Variants in DHTKD1 observed in about 807,000 individuals in gnomAD.
The protein encoded by DHTKD1 is 2-oxoadipate dehydrogenase complex component E1.
Under a neutral mutation model 101.8 loss-of-function variants are expected in DHTKD1, and 78 were observed. The ratio of observed to expected loss-of-function variants is 0.77; its 90% CI spans 0.64 to 0.93. DHTKD1 has a LOEUF of 0.93. DHTKD1 is among the 40% of genes least tolerant of loss of function. The pLI is 0.00. For missense variants in DHTKD1, 1,223 were observed against 1,161.7 expected (o/e 1.05, Z -0.77); for synonymous variants, 462 against 450.3 (o/e 1.03, Z -0.33).
chr10:12,119,608 T>C (rs1588621326), intron 15 of DHTKD1, among the ~76,000 whole-genome samples: 1 of 109,604 alleles, frequency 9.1e-6, no homozygotes. Context: ...AGAGCGAGAC[T>C]CCGTCTCAAA....
Position 12,106,182 on chromosome 10 carries a change from G to C in DHTKD1, c.1897-64G>C, listed in dbSNP as rs368157130. On this transcript the variant is annotated intron_variant, in intron 10 of 16. Coordinates refer to ENST00000263035, the MANE Select transcript of DHTKD1 (RefSeq NM_018706.7). ...CGCACCACCTCCCTTCGATAAGTTC[G>C]CAGGAGCCCAGTGCTCTGCCGTGGC... 21 of 1,571,198 alleles carry C rather than the reference G, an allele frequency of 1.3e-5. No homozygotes were observed. The African/African-American group carries it at 2.2e-4, about 16-fold the overall frequency.
intron 1 of DHTKD1, 67 bp downstream of exon 1, chr10:12,069,254 C>G: frequency 1.4e-5 from 13 of 938,090 alleles, no homozygotes; most frequent in Admixed American, 5.1e-5. Flanking sequence ...GGCCGATTTG[C>G]GGTGGGGTGT....
At chr10:12,082,948 AAC>A (rs1382503544) in intron 2 of DHTKD1, among the ~76,000 whole-genome samples, 2 of 152,096 alleles carry the variant, frequency 1.3e-5, no homozygotes, top group Non-Finnish European at 2.9e-5. Flanking sequence ...CATCCTGGCT[AAC>A]ACAGTGAAAC....
chr10:12,101,301 A>C (rs1175415908), intron 10 of DHTKD1, 120 bp downstream of exon 10: 1 of 1,108,558 alleles, frequency 9.0e-7, no homozygotes, highest in African/African-American at 1.6e-5. Flanking sequence ...GAAGTAAAGG[A>C]GTGCTAAATG....
At chr10:12,073,038 T>C (rs1422830534) in intron 1 of DHTKD1, among the ~76,000 whole-genome samples, 1 of 106,836 alleles carries the variant, frequency 9.4e-6, no homozygotes, top group Non-Finnish European at 2.0e-5. Context: ...GCCTGACCTG[T>C]TTATTTGTTT....
chr10:12,122,695 C>A lies in DHTKD1; in HGVS notation c.*1807C>A, dbSNP rs1015678939. The A allele has an allele frequency of 6.6e-6, 1 of 152,228 alleles. No homozygotes were observed. Among genetic ancestry groups the A allele is most frequent in the South Asian group, 2.1e-4 (1 of 4,820 alleles). 9.4% of individuals were successfully genotyped at this position (152,228 alleles called of 1,614,324 possible). A position where few individuals can be genotyped will look rare whatever the true frequency, so the allele number is the denominator to read the frequency against. ...TTCTTTATTTGAGGGACTTTCCCAA[C>A]ACCAGGTGCTTGGGGATTTCTTAGA... is the stretch of plus-strand genomic sequence containing the variant. On this transcript the variant is annotated 3_prime_UTR_variant, in exon 17 of 17. Coordinates refer to ENST00000263035, the MANE Select transcript of DHTKD1 (RefSeq NM_018706.7).
At chr10:12,102,294 T>C (rs12357525) in intron 10 of DHTKD1, among the ~76,000 whole-genome samples, 112,097 of 151,520 alleles carry the variant, frequency 0.74, 42,094 homozygotes, top group South Asian at 0.88. Context: ...TGTGGTGGCA[T>C]GCATCTGTAG....
Position 12,118,796 on chromosome 10 carries a change from T to C in DHTKD1, c.2450T>C (p.Val817Ala). 2 of 1,606,704 alleles carry C rather than the reference T, an allele frequency of 1.2e-6. No homozygotes were observed. Among genetic ancestry groups the C allele is most frequent in the Non-Finnish European group, 8.5e-7 (1 of 1,177,136 alleles). The change falls in exon 15 of 17, where the codon GTG becomes GCG. Residue 817 changes from valine (V) to alanine (A), a missense_variant. Transcript: ENST00000263035. Reference protein sequence around the residue: ...FCSGKHFYSLVKQRESLGAKK... With the variant: ...FCSGKHFYSLAKQRESLGAKK... ...TCCGGCAAACATTTCTACTCCCTGG[T>C]GAAACAAAGAGAATCTCTGGGGGCC...
intron 7 of DHTKD1, 114 bp from the exon 8 acceptor site, chr10:12,097,570 G>T (rs190773864): frequency 6.5e-5 from 60 of 917,878 alleles, no homozygotes; most frequent in Non-Finnish European, 8.9e-5. Flanking sequence ...CACTGCACCT[G>T]TCGAATGCCT....
At chr10:12,081,085 G>C (rs1167769889) in intron 1 of DHTKD1, among the ~76,000 whole-genome samples, 9 of 151,860 alleles carry the variant, frequency 5.9e-5, no homozygotes, top group Non-Finnish European at 1.2e-4. Flanking sequence ...CAGATCATGA[G>C]GTCAGGAGAT....
chr10:12,079,812 C>G (rs553528976), intron 1 of DHTKD1, among the ~76,000 whole-genome samples: 1 of 152,130 alleles, frequency 6.6e-6, no homozygotes, highest in Non-Finnish European at 1.5e-5. Flanking sequence ...CAAAATAGAA[C>G]CCTTAGCAAT....
At chr10:12,079,949 C>T (rs1832788888) in intron 1 of DHTKD1, among the ~76,000 whole-genome samples, 1 of 152,134 alleles carries the variant, frequency 6.6e-6, no homozygotes, top group African/African-American at 2.4e-5. Flanking sequence ...TGTTCAATAC[C>T]TCTCTGTTCT....
chr10:12,115,139 G>C (rs1268759892), intron 13 of DHTKD1, among the ~76,000 whole-genome samples: 2 of 151,176 alleles, frequency 1.3e-5, no homozygotes, highest in Non-Finnish European at 2.9e-5. Flanking sequence ...TGTTGCCCAG[G>C]CTGGAGTGGA....
At position 12,100,165 on chromosome 10, in the gene DHTKD1, C is replaced by G; in HGVS notation, c.1672-13C>G. On this transcript the variant is annotated splice_polypyrimidine_tract_variant and intron_variant, in intron 8 of 16. Coordinates refer to ENST00000263035, the MANE Select transcript of DHTKD1 (RefSeq NM_018706.7). ...TTAGACGTTCCTTTTTTTTCTTCCT[C>G]TGAATTTTACAGTCCAGAATGGAGA... The G allele has an allele frequency of 1.3e-6, 2 of 1,512,536 alleles. No individual in the cohort carries two copies. The highest frequency in any genetic ancestry group is 1.2e-5 in the South Asian group (1 of 80,850). The allele number at this position is 1,512,536 out of a possible 1,614,324, so 93.7% of individuals were successfully genotyped here. A position where few individuals can be genotyped will look rare whatever the true frequency, so the allele number is the denominator to read the frequency against.
Position 12,084,624 on chromosome 10 carries a change from T to C in DHTKD1, c.395T>C (p.Ile132Thr), listed in dbSNP as rs1453624569. The C allele has an allele frequency of 7.4e-6, 12 of 1,613,950 alleles. No individual in the cohort carries two copies. The East Asian group carries it at 2.0e-4, about 27-fold the overall frequency. ...CAAATCTACTGTGGGCAGATTTCTATTGAAACCTCCCAACTTCAGAGCCAG... is the reference window on the plus strand; with the variant it reads ...CAAATCTACTGTGGGCAGATTTCTACTGAAACCTCCCAACTTCAGAGCCAG... ...LNQIYCGQIS[I>T]ETSQLQSQDE... Residue 132 changes from isoleucine to threonine, a missense_variant, in exon 3 of 17, where the codon ATT becomes ACT. Coordinates refer to ENST00000263035, the MANE Select transcript of DHTKD1 (RefSeq NM_018706.7).
At chr10:12,093,704 A>G (rs184931638) in intron 6 of DHTKD1, among the ~76,000 whole-genome samples, 6 of 152,316 alleles carry the variant, frequency 3.9e-5, no homozygotes, top group African/African-American at 7.2e-5. Context: ...TGACCCTTTT[A>G]TCTCAGGGAG....
At position 12,113,014 on chromosome 10, in the gene DHTKD1, T is replaced by G. The variant is rs1390734043; in HGVS notation, c.2269T>G (p.Phe757Val). ...GCTTAGGAGACAGATGGTCCGGAAC[T>G]TCAGAAAACCACTCATTGTTGCTTC... ...HLLRRQMVRN[F>V]RKPLIVASPK... Residue 757 changes from phenylalanine to valine, a missense_variant, in exon 13 of 17, where the codon TTC becomes GTC. Phe to Val is a conservative substitution (Grantham distance 50). Coordinates refer to ENST00000263035, the MANE Select transcript of DHTKD1 (RefSeq NM_018706.7). 1.9e-6 allele frequency: 3 copies of G among 1,613,478 alleles called. No homozygotes were observed. In the African/African-American group the frequency reaches 4.0e-5, roughly 22 times the overall value.
chr10:12,089,658 A>C (rs907146621), intron 5 of DHTKD1, among the ~76,000 whole-genome samples: 4 of 151,018 alleles, frequency 2.6e-5, no homozygotes, highest in Non-Finnish European at 5.9e-5. Context: ...TGTTTACTTT[A>C]TTATCTTTTC....
At chr10:12,105,959 G>T (rs1392971934) in intron 10 of DHTKD1, among the ~76,000 whole-genome samples, 1 of 152,172 alleles carries the variant, frequency 6.6e-6, no homozygotes, top group East Asian at 1.9e-4. Context: ...GCTGGGCATG[G>T]TGGCGGGTGC....
Sources: gnomAD v4.1 joint callset for allele counts (sites outside exome capture counted in the v4.1 genomes callset) on GRCh38, gnomAD v4.1.1 for gene constraint, MANE v1.5 for transcripts, NCBI Gene and HGNC (gene_info 2026-07-23, HGNC 2026-07-21) for gene names.